Variants in SLCO4A1 observed in about 807,000 individuals in gnomAD.
SLCO4A1 encodes the protein colon organic anion transporter.
A neutral mutation model predicts 64.6 loss-of-function variants in SLCO4A1; 51 were observed. The observed-to-expected ratio is 0.79, with a 90% CI of 0.63 to 1.00. The LOEUF is 1.00. Ranked by LOEUF, SLCO4A1 falls within the 50% of genes least tolerant of loss-of-function variation. The pLI is 0.00. For synonymous variants in SLCO4A1, 471 were observed against 444.9 expected (o/e 1.06, Z -0.74); for missense variants, 919 against 980.5 (o/e 0.94, Z 0.84).
intron 2 of SLCO4A1, among the ~76,000 whole-genome samples, chr20:62,678,737 G>C (rs774429857): frequency 1.0e-5 from 1 of 98,442 alleles, no homozygotes; most frequent in Non-Finnish European, 2.0e-5. Flanking sequence ...AGCCGTGAGA[G>C]GGGGGCACTG....
In SLCO4A1 at chr20:62,658,658, G is replaced by T; in HGVS notation, c.797-19G>T. The T allele has an allele frequency of 6.2e-7, 1 of 1,600,420 alleles. No individual in the cohort carries two copies. The highest frequency in any genetic ancestry group is 8.5e-7 in the Non-Finnish European group (1 of 1,173,330). On this transcript the variant is annotated intron_variant, in intron 2 of 11. Coordinates refer to ENST00000217159, the MANE Select transcript of SLCO4A1 (RefSeq NM_016354.4). ...CTGGGTGGTGCACAGCGGCCCTGAC[G>T]CCTCTGCCTCTCTCGCAGCCATCTT...
At chr20:62,677,531 A>G (rs6010840) in intron 2 of SLCO4A1, among the ~76,000 whole-genome samples, 123,570 of 151,764 alleles carry the variant, frequency 0.81, 50,691 homozygotes, top group African/African-American at 0.91. Context: ...CAGGAGGCAG[A>G]AAGGGGGCTT....
rs754029067 is a variant in SLCO4A1 at position 62,665,106 on chromosome 20, TGGG to T, written c.1276+21_1276+23del. Reference sequence around the variant, plus strand: ...CTTGTTTGGTGAGAAAACTGAATCTTGGGGGTCCTCTGCTTTTATGTCAGTTCT... The same window carrying T: ...CTTGTTTGGTGAGAAAACTGAATCTTGGTCCTCTGCTTTTATGTCAGTTCT... On this transcript the variant is annotated intron_variant, in intron 6 of 11. Coordinates refer to ENST00000217159, the MANE Select transcript of SLCO4A1 (RefSeq NM_016354.4). 6.3e-7 allele frequency: 1 copy of T among 1,596,450 alleles called. No homozygotes were observed. Among genetic ancestry groups the T allele is most frequent in the Non-Finnish European group, 8.5e-7 (1 of 1,172,760 alleles).
chr20:62,647,210 T>A (rs1195540428), intron 1 of SLCO4A1, among the ~76,000 whole-genome samples: 1 of 151,790 alleles, frequency 6.6e-6, no homozygotes, highest in Non-Finnish European at 1.5e-5. Flanking sequence ...GACCCTGGAG[T>A]GAATTTGGAG....
At position 62,661,043 on chromosome 20, in the gene SLCO4A1, G is replaced by GCCCCAA; in HGVS notation, c.1010-20_1010-19insCCCAAC. On this transcript the variant is annotated intron_variant, in intron 4 of 11. Coordinates refer to ENST00000217159, the MANE Select transcript of SLCO4A1 (RefSeq NM_016354.4). This position sits in a 1 kb window ranked among gnomAD's most constrained non-coding sequence, Gnocchi z 5.2. ...CGGGAGCCCCCAGCCCCCAGCCCCA[G>GCCCCAA]CTCACTCTGTGCCCTTCCAGGCTCC... The GCCCCAA allele has an allele frequency of 1.1e-5, 4 of 358,134 alleles. No homozygotes were observed. Among genetic ancestry groups the GCCCCAA allele is most frequent in the Admixed American group, 7.0e-5 (2 of 28,510 alleles). The allele number at this position is 358,134 out of a possible 1,614,324, so 22.2% of individuals were successfully genotyped here.
downstream of SLCO4A1, among the ~76,000 whole-genome samples, chr20:62,686,557 T>C (rs1359652717): frequency 6.6e-6 from 1 of 152,246 alleles, no homozygotes; most frequent in African/African-American, 2.4e-5. Context: ...GAGGGCCCTC[T>C]GACCCCAGAC....
intron 3 of SLCO4A1, 72 bp from the exon 4 acceptor site, chr20:62,660,339 GC>G (rs2147083829): frequency 3.2e-6 from 5 of 1,554,522 alleles, no homozygotes; most frequent in Middle Eastern, 2.0e-4. Context: ...GGGGCCAGCA[GC>G]CCCCAGTGTG....
rs531152962 is a variant in SLCO4A1 at position 62,666,309 on chromosome 20, G to A, written c.1277-71G>A. 9.3e-5 allele frequency: 131 copies of A among 1,414,816 alleles called. 1 individual carries two copies. The South Asian group carries it at 1.0e-3, about 11-fold the overall frequency. The allele number at this position is 1,414,816 out of a possible 1,614,324, so 87.6% of individuals were successfully genotyped here. A position where few individuals can be genotyped will look rare whatever the true frequency, so the allele number is the denominator to read the frequency against. ...GTTTCCCCACCTGTAAAGTGGACCCGGCTGATCCACCACCCTCTCCCACCA... is the reference window on the plus strand; with the variant it reads ...GTTTCCCCACCTGTAAAGTGGACCCAGCTGATCCACCACCCTCTCCCACCA... On this transcript the variant is annotated intron_variant, in intron 6 of 11. Coordinates refer to ENST00000217159, the MANE Select transcript of SLCO4A1 (RefSeq NM_016354.4).
chr20:62,668,717 C>G (rs1382467492), intron 10 of SLCO4A1, among the ~76,000 whole-genome samples, 176 bp downstream of exon 10: 5 of 152,144 alleles, frequency 3.3e-5, no homozygotes, highest in Non-Finnish European at 7.4e-5. Context: ...TTTATTTGCC[C>G]AAAGGCTTTC....
intron 11 of SLCO4A1, among the ~76,000 whole-genome samples, chr20:62,671,452 A>G (rs1053713857): frequency 1.3e-5 from 2 of 152,156 alleles, no homozygotes; most frequent in South Asian, 2.1e-4. Context: ...CAAAGACCCT[A>G]TTTCCAAAAA....
chr20:62,665,108 G>C lies in SLCO4A1; in HGVS notation c.1276+20G>C. The C allele has an allele frequency of 6.3e-7, 1 of 1,594,888 alleles. No homozygotes were observed. The highest frequency in any genetic ancestry group is 8.5e-7 in the Non-Finnish European group (1 of 1,171,898). Reference sequence around the variant, plus strand: ...TGTTTGGTGAGAAAACTGAATCTTGGGGGTCCTCTGCTTTTATGTCAGTTC... The same window carrying C: ...TGTTTGGTGAGAAAACTGAATCTTGCGGGTCCTCTGCTTTTATGTCAGTTC... On this transcript the variant is annotated intron_variant, in intron 6 of 11. Transcript: ENST00000217159.
intron 11 of SLCO4A1, chr20:62,669,973 A>G (rs1279780429): frequency 6.6e-6 from 1 of 152,268 alleles, no homozygotes; most frequent in African/African-American, 2.4e-5. Context: ...GAGGTCCACC[A>G]CAGTCTGAAT....
At chr20:62,668,671 C>A in intron 10 of SLCO4A1, 130 bp downstream of exon 10, 1 of 929,564 alleles carries the variant, frequency 1.1e-6, no homozygotes, top group Non-Finnish European at 1.7e-6. Context: ...GGAAGGGGTC[C>A]ATTCCCTAAC....
rs1986812552 is a variant in SLCO4A1 at position 62,668,630 on chromosome 20, G to A, written c.1876+89G>A. Reference sequence around the variant, plus strand: ...GCAAGTGTCTAACCACCAAGGGGATGTGCTTCCCAGCAGGAGGCTGTTCCC... The same window carrying A: ...GCAAGTGTCTAACCACCAAGGGGATATGCTTCCCAGCAGGAGGCTGTTCCC... On this transcript the variant is annotated intron_variant, in intron 10 of 11. Coordinates refer to ENST00000217159, the MANE Select transcript of SLCO4A1 (RefSeq NM_016354.4). The A allele has an allele frequency of 6.3e-6, 8 of 1,262,798 alleles. No homozygotes were observed. The South Asian group carries it at 9.5e-5, about 15-fold the overall frequency. 78.2% of individuals were successfully genotyped at this position (1,262,798 alleles called of 1,614,324 possible). A position where few individuals can be genotyped will look rare whatever the true frequency, so the allele number is the denominator to read the frequency against.
Position 62,664,966 on chromosome 20 carries a change from T to C in SLCO4A1, c.1154T>C (p.Phe385Ser). The C allele has an allele frequency of 1.2e-6, 2 of 1,612,812 alleles. No homozygotes were observed. The highest frequency in any genetic ancestry group is 1.7e-6 in the Non-Finnish European group (2 of 1,179,416). ...TGGCTCCTGCTGAAGAACCCCACGT[T>C]CATCCTGCTCTGCCTGGCCGGGGCC... is the stretch of plus-strand genomic sequence containing the variant. ...SIWLLLKNPT[F>S]ILLCLAGATE... Residue 385 changes from phenylalanine to serine, a missense_variant, in exon 6 of 12, where the codon TTC becomes TCC. By Grantham distance (155) the Phe-to-Ser change is radical. Coordinates refer to ENST00000217159, the MANE Select transcript of SLCO4A1 (RefSeq NM_016354.4).
chr20:62,673,039 G>A (rs762759033), downstream of SLCO4A1, among the ~76,000 whole-genome samples: 8 of 143,620 alleles, frequency 5.6e-5, 1 homozygote, highest in African/African-American at 1.5e-4. Context: ...GGTACAATCC[G>A]GTGCTGGTGA....
downstream of SLCO4A1, among the ~76,000 whole-genome samples, chr20:62,676,430 TAAG>T (rs781464982): frequency 2.0e-5 from 3 of 152,070 alleles, no homozygotes; most frequent in South Asian, 2.1e-4. Context: ...AAAATAATAA[TAAG>T]AAGAATTCCT....
intron 6 of SLCO4A1, 149 bp from the exon 7 acceptor site, chr20:62,666,231 G>A (rs1986308651): frequency 1.6e-6 from 1 of 641,118 alleles, no homozygotes; most frequent in Non-Finnish European, 2.7e-6. Flanking sequence ...TAAGCACTCA[G>A]GTGTGGTGTT....
chr20:62,669,044 G>A lies in SLCO4A1; in HGVS notation c.1991G>A (p.Ser664Asn). Residue 664 changes from serine (S) to asparagine (N), a missense_variant, in exon 11 of 12, where the codon AGC becomes AAC. By Grantham distance (46) the Ser-to-Asn change is conservative. Transcript: ENST00000217159. ...TTGGTGTACCAGAATTCGGCCATGA[G>A]CCGCTACATACTCATCATGGGGCTC... ...SCLVYQNSAMSRYILIMGLLY... is the reference protein window; with the variant it reads ...SCLVYQNSAMNRYILIMGLLY... 6.2e-7 allele frequency: 1 copy of A among 1,611,424 alleles called. No individual in the cohort carries two copies. The highest frequency in any genetic ancestry group is 8.5e-7 in the Non-Finnish European group (1 of 1,179,990).
Sources: gnomAD v4.1 joint callset for allele counts (sites outside exome capture counted in the v4.1 genomes callset) on GRCh38, gnomAD v4.1.1 for gene constraint, Gnocchi (gnomAD v3.1) non-coding constraint, MANE v1.5 for transcripts, NCBI Gene and HGNC (gene_info 2026-07-23, HGNC 2026-07-21) for gene names.